UBE3B: variants seen among roughly 807,000 people sequenced by gnomAD.
UBE3B encodes the protein ubiquitin protein ligase E3B, also known as ubiquitin-protein ligase E3B.
UBE3B carries 80 observed loss-of-function variants against 132.3 expected under a neutral mutation model. That is an observed-to-expected ratio of 0.60 (90% CI 0.50 to 0.73). The LOEUF is 0.73. UBE3B is among the 30% of genes least tolerant of loss of function. The probability of loss-of-function intolerance (pLI) is 0.00; values close to 1 mark genes in which losing one functional copy is unlikely to be tolerated. For missense variants in UBE3B, 1,196 were observed against 1,362.5 expected (o/e 0.88, Z 1.92); for synonymous variants, 487 against 520.4 (o/e 0.94, Z 0.87).
downstream of UBE3B, among the ~76,000 whole-genome samples, chr12:109,539,006 CG>C (rs1374160359): frequency 6.6e-6 from 1 of 152,156 alleles, no homozygotes; most frequent in Non-Finnish European, 1.5e-5. Context: ...GAGGCTGAGG[CG>C]GGCAGATCCC....
chr12:109,527,150 A>G (rs532049562), intron 24 of UBE3B, among the ~76,000 whole-genome samples: 1 of 152,320 alleles, frequency 6.6e-6, no homozygotes, highest in African/African-American at 2.4e-5. Flanking sequence ...GATGAATTCA[A>G]ATGCCACAGA....
chr12:109,496,013 C>T (rs988865065), intron 9 of UBE3B, among the ~76,000 whole-genome samples: 8 of 152,202 alleles, frequency 5.3e-5, no homozygotes, highest in Admixed American at 1.3e-4. Flanking sequence ...CAATCTAATT[C>T]CATAATATTT....
chr12:109,544,964 C>A, the UBE3B span, among the ~76,000 whole-genome samples: 1 of 152,204 alleles, frequency 6.6e-6, no homozygotes, highest in African/African-American at 2.4e-5. Flanking sequence ...ATAGGTGAGG[C>A]TCTGAGAGGT....
In UBE3B at chr12:109,499,751, G is replaced by C. The variant is rs1462831061; in HGVS notation, c.1059G>C (p.Lys353Asn). 6.2e-7 allele frequency: 1 copy of C among 1,612,204 alleles called. No individual in the cohort carries two copies. Among genetic ancestry groups the C allele is most frequent in the Non-Finnish European group, 8.5e-7 (1 of 1,179,070 alleles). The change falls in exon 12 of 28, where the codon AAG becomes AAC. Residue 353 changes from lysine (K) to asparagine (N), a missense_variant. By Grantham distance (94) the Lys-to-Asn change is moderately conservative. Coordinates refer to ENST00000342494, the MANE Select transcript of UBE3B (RefSeq NM_130466.4). ...CYCRKYVSQK[K>N]SNLTHWHPVL... Reference sequence around the variant, plus strand: ...GTCGGAAGTATGTGTCTCAGAAGAAGTCCAACCTGACCCACTGGCATCCTG... The same window carrying C: ...GTCGGAAGTATGTGTCTCAGAAGAACTCCAACCTGACCCACTGGCATCCTG...
At chr12:109,510,529 C>A in intron 17 of UBE3B, 71 bp downstream of exon 17, 1 of 1,271,886 alleles carries the variant, frequency 7.9e-7, no homozygotes, top group Non-Finnish European at 1.1e-6. Flanking sequence ...GCACTCAGCT[C>A]TCATGTTCTA....
downstream of UBE3B, among the ~76,000 whole-genome samples, chr12:109,541,321 C>T (rs961880523): frequency 6.6e-6 from 1 of 152,186 alleles, no homozygotes; most frequent in African/African-American, 2.4e-5. Flanking sequence ...AGGGCACAGG[C>T]CTTGACCTTG....
intron 4 of UBE3B, 141 bp downstream of exon 4, chr12:109,484,122 C>T (rs1875963974): frequency 5.4e-6 from 5 of 932,856 alleles, no homozygotes. Context: ...TTTCTTGGGA[C>T]CTGTTTTGGA....
chr12:109,490,145 T>G (rs1263945428), intron 8 of UBE3B, 141 bp downstream of exon 8: 1 of 928,078 alleles, frequency 1.1e-6, no homozygotes. Context: ...GCTGTCCTCT[T>G]CTTCCTTCCC....
intron 14 of UBE3B, 93 bp downstream of exon 14, chr12:109,503,283 T>G: frequency 6.6e-7 from 1 of 1,508,194 alleles, no homozygotes; most frequent in Non-Finnish European, 8.9e-7. Flanking sequence ...CTTCTTTGAC[T>G]CTGAAAATAG....
chr12:109,510,350 C>G lies in UBE3B; in HGVS notation c.1748C>G (p.Ala583Gly). ...KMIWDGIVEN[A>G]KGETLELFQS... ...CTGTTTGTTTGTCCCACAGAGAACG[C>G]CAAGGGTGAGACCTTGGAGCTGTTC... The change falls in exon 17 of 28, where the codon GCC becomes GGC. Residue 583 changes from alanine (A) to glycine (G), a missense_variant. Physicochemically the swap from Ala to Gly is moderately conservative, Grantham distance 60. Coordinates refer to ENST00000342494, the MANE Select transcript of UBE3B (RefSeq NM_130466.4). 5 of 1,605,640 alleles carry G rather than the reference C, an allele frequency of 3.1e-6. No individual in the cohort carries two copies. Among genetic ancestry groups the G allele is most frequent in the Non-Finnish European group, 4.3e-6 (5 of 1,175,944 alleles).
rs1355604629 is a variant in UBE3B, at chr12:109,522,610, C to T, written c.2364+1059C>T. ...CCAGATGCTTTCCAAACAGAAAGAG[C>T]CAGCAGCTGGGCCAAGCTGAGAGGG... On this transcript the variant is annotated intron_variant, in intron 21 of 27. Transcript: ENST00000342494. This position sits in a 1 kb window ranked among gnomAD's most constrained non-coding sequence, Gnocchi z 4.2. Among the ~76,000 whole-genome samples, 1 of 152,204 alleles carries T rather than the reference C, an allele frequency of 6.6e-6. No individual in the cohort carries two copies. Among genetic ancestry groups the T allele is most frequent in the Non-Finnish European group, 1.5e-5 (1 of 68,038 alleles).
In UBE3B at chr12:109,535,644, C is replaced by T. The variant is rs1883367468; in HGVS notation, c.*862C>T. 6.6e-6 allele frequency: 1 copy of T among 152,172 alleles called. No homozygotes were observed. Among genetic ancestry groups the T allele is most frequent in the African/African-American group, 2.4e-5 (1 of 41,422 alleles). The allele number at this position is 152,172 out of a possible 1,614,324, so 9.4% of individuals were successfully genotyped here. ...CCTGCTTATTTGTCTCACTGGTTAT[C>T]TAATGAGGAACAAACACTAACCTAA... On this transcript the variant is annotated 3_prime_UTR_variant, in exon 28 of 28. Coordinates refer to ENST00000342494, the MANE Select transcript of UBE3B (RefSeq NM_130466.4).
chr12:109,483,283 C>T (rs529177572), intron 2 of UBE3B, among the ~76,000 whole-genome samples: 10 of 152,146 alleles, frequency 6.6e-5, no homozygotes, highest in Admixed American at 1.3e-4. Context: ...AGGTGCTGTG[C>T]TCTTTCCCTT....
intron 25 of UBE3B, 93 bp from the exon 26 acceptor site, chr12:109,530,454 A>G: frequency 9.8e-7 from 1 of 1,022,802 alleles, no homozygotes; most frequent in African/African-American, 1.6e-5. Context: ...GGCCTGCCAG[A>G]GTGGACCGTG....
rs1390278755 is a variant in UBE3B at position 109,526,380 on chromosome 12, C to T, written c.2591C>T (p.Pro864Leu). ...MGQLVCHELIPGGKTIPVTNE... is the reference protein window; with the variant it reads ...MGQLVCHELILGGKTIPVTNE... ...CAGCTTGTTTGCCATGAACTGATTCCTGGAGGGAAGACCATTCCTGTTACA... is the reference window on the plus strand; with the variant it reads ...CAGCTTGTTTGCCATGAACTGATTCTTGGAGGGAAGACCATTCCTGTTACA... The change falls in exon 24 of 28, where the codon CCT becomes CTT. Residue 864 changes from proline to leucine, a missense_variant. Transcript: ENST00000342494. 6.2e-7 allele frequency: 1 copy of T among 1,614,088 alleles called. No individual in the cohort carries two copies. Among genetic ancestry groups the T allele is most frequent in the Admixed American group, 1.7e-5 (1 of 60,016 alleles).
At chr12:109,533,849 T>A (rs1883206743) in intron 27 of UBE3B, 1 of 1,198,864 alleles carries the variant, frequency 8.3e-7, no homozygotes, top group African/African-American at 1.5e-5. Flanking sequence ...GCGTCTGGCC[T>A]CACCAGGGCT....
At chr12:109,520,743 ATT>A (rs35964882) in intron 19 of UBE3B, 27,500 of 148,602 alleles carry the variant, frequency 0.19, 2,542 homozygotes, top group African/African-American at 0.23. Context: ...TGTAGGTTTG[ATT>A]TTTTTTTTTT....
At chr12:109,541,659 G>A (rs1436573718), downstream of UBE3B, among the ~76,000 whole-genome samples, 1 of 152,182 alleles carries the variant, frequency 6.6e-6, no homozygotes, top group Non-Finnish European at 1.5e-5. Flanking sequence ...AACAAGCCGG[G>A]TGGCTTAAAA....
chr12:109,533,922 C>T, intron 27 of UBE3B: 1 of 1,325,076 alleles, frequency 7.5e-7, no homozygotes, highest in Non-Finnish European at 9.9e-7. Context: ...CAGGCGCAGA[C>T]TCGAATGCTA....
Sources: gnomAD v4.1 joint callset for allele counts (sites outside exome capture counted in the v4.1 genomes callset) on GRCh38, gnomAD v4.1.1 for gene constraint, Gnocchi (gnomAD v3.1) non-coding constraint, MANE v1.5 for transcripts, NCBI Gene and HGNC (gene_info 2026-07-23, HGNC 2026-07-21) for gene names.